The following COL18A1 variants were observed in gnomAD, a reference collection of about 807,000 sequenced individuals.
COL18A1 encodes the protein collagen alpha-1(XVIII) chain.
Under a neutral mutation model 168.0 loss-of-function variants are expected in COL18A1, and 133 were observed. The ratio of observed to expected loss-of-function variants is 0.79; its 90% CI spans 0.69 to 0.91. The LOEUF (loss-of-function observed/expected upper bound fraction) is 0.91, where lower values mean the gene tolerates loss of function less well. COL18A1 is among the 40% of genes least tolerant of loss of function. COL18A1 has a pLI of 0.00. For missense variants in COL18A1, 2,126 were observed against 1,925.4 expected, an observed-to-expected ratio of 1.10 and a Z score of -1.95; for synonymous variants, 949 against 809.0, an observed-to-expected ratio of 1.17 and a Z score of -2.94.
chr21:45,512,440 G>T lies in COL18A1; in HGVS notation c.*42G>T. On this transcript the variant is annotated 3_prime_UTR_variant, in exon 42 of 42. Transcript: ENST00000651438. ...GATGGCCGGAGAGGACCGGCGGCTCGGAGGAAGCCCCCACCGTGGGCAGGG... is the reference window on the plus strand; with the variant it reads ...GATGGCCGGAGAGGACCGGCGGCTCTGAGGAAGCCCCCACCGTGGGCAGGG... 2 of 1,584,580 alleles carry T rather than the reference G, an allele frequency of 1.3e-6. No individual in the cohort carries two copies. The highest frequency in any genetic ancestry group is 1.7e-6 in the Non-Finnish European group (2 of 1,165,452).
At chr21:45,487,572 G>C (rs1378878755) in intron 17 of COL18A1, 63 bp downstream of exon 17, 1 of 1,591,652 alleles carries the variant, frequency 6.3e-7, no homozygotes, top group Non-Finnish European at 8.6e-7. Context: ...TGGGGCAGGA[G>C]AGTGTCCCTG....
At chr21:45,491,394 A>T in intron 22 of COL18A1, 80 bp downstream of exon 22, 2 of 564,516 alleles carry the variant, frequency 3.5e-6, no homozygotes, top group Non-Finnish European at 6.3e-6. Flanking sequence ...AGCCCCCCCC[A>T]CACCCCCACA....
At position 45,460,253 on chromosome 21, in the gene COL18A1, A is replaced by G. The variant is rs2034997327; in HGVS notation, c.107-7989A>G. ...GGCATCCACCCTCGTGGTGCAGGCC[A>G]TCTGATGAGGGCAGGGACCAGTGCC... On this transcript the variant is annotated intron_variant, in intron 2 of 41. Coordinates refer to ENST00000651438, the MANE Select transcript of COL18A1 (RefSeq NM_001379500.1). 2.0e-5 allele frequency among the ~76,000 whole-genome samples: 3 copies of G among 152,244 alleles called. No individual in the cohort carries two copies. The South Asian group carries it at 6.2e-4, about 32-fold the overall frequency.
intron 21 of COL18A1, 35 bp downstream of exon 21, chr21:45,490,906 G>A (rs2036316329): frequency 1.9e-6 from 3 of 1,542,438 alleles, no homozygotes; most frequent in African/African-American, 1.4e-5. Flanking sequence ...TGGGGATGGG[G>A]GGCGCTGGGA....
chr21:45,481,481 G>A (rs2035892551), intron 13 of COL18A1, among the ~76,000 whole-genome samples: 1 of 152,176 alleles, frequency 6.6e-6, no homozygotes, highest in Non-Finnish European at 1.5e-5. Flanking sequence ...GGAGTGTGGG[G>A]TTAGGTCACC....
At chr21:45,437,455 G>GACAC (rs1569287878) in intron 2 of COL18A1, among the ~76,000 whole-genome samples, 48 of 2,974 alleles carry the variant, frequency 0.016, 6 homozygotes, top group African/African-American at 0.083. Flanking sequence ...CTCACTCACA[G>GACAC]ACAGACACAC....
chr21:45,459,067 C>A (rs1008008109), intron 2 of COL18A1, among the ~76,000 whole-genome samples: 9 of 152,208 alleles, frequency 5.9e-5, no homozygotes, highest in Admixed American at 5.9e-4. Context: ...CGTGCAGGGT[C>A]CTGGGGGACT....
intron 4 of COL18A1, among the ~76,000 whole-genome samples, chr21:45,475,105 G>A (rs2035600059): frequency 6.6e-6 from 1 of 152,218 alleles, no homozygotes; most frequent in African/African-American, 2.4e-5. Context: ...GGCCCAGCCG[G>A]GCGTGCGCTG....
chr21:45,510,947 CCACAACACCCCA>C (rs2037546007), intron 40 of COL18A1, among the ~76,000 whole-genome samples, 152 bp from the exon 41 acceptor site: 2 of 18,852 alleles, frequency 1.1e-4, no homozygotes, highest in Admixed American at 3.8e-4. Context: ...AAACACACAC[CCACAACACCCCA>C]CATACACCCC....
chr21:45,444,770 C>T lies in COL18A1; in HGVS notation c.107-23472C>T, dbSNP rs186049780. On this transcript the variant is annotated intron_variant, in intron 2 of 41. Transcript: ENST00000651438. ...CCAACATTAGCAGCAAAGATGACTC[C>T]GTGTCCATACCCTAGTTTTTAAAAG... 2.6e-5 allele frequency among the ~76,000 whole-genome samples: 4 copies of T among 152,238 alleles called. No homozygotes were observed. In the East Asian group the frequency reaches 5.8e-4, roughly 22 times the overall value.
rs201512613 is a variant in COL18A1 at position 45,513,546 on chromosome 21, C to T, written c.*1148C>T. 6.6e-6 allele frequency: 1 copy of T among 151,932 alleles called. No individual in the cohort carries two copies. The highest frequency in any genetic ancestry group is 1.5e-5 in the Non-Finnish European group (1 of 67,986). The allele number at this position is 151,932 out of a possible 1,614,324, so 9.4% of individuals were successfully genotyped here. On this transcript the variant is annotated 3_prime_UTR_variant, in exon 42 of 42. Transcript: ENST00000651438. ...CCCCTGAGATCCGGCAACATCAACC[C>T]GAGTCATTCGTTCTGTGGAGGGACA... is the stretch of plus-strand genomic sequence containing the variant.
rs111571883 is a variant in COL18A1, at chr21:45,452,686, CATGT to C, written c.107-15551_107-15548del. The stretch of plus-strand genomic sequence containing the variant: ...TGTATTCATGTGTGACATGTGTGAG[CATGT>C]ATGTGAGTTTGTGTATGCATGAATA... On this transcript the variant is annotated intron_variant, in intron 2 of 41. Coordinates refer to ENST00000651438, the MANE Select transcript of COL18A1 (RefSeq NM_001379500.1). Among the ~76,000 whole-genome samples, 168 of 143,830 alleles carry C rather than the reference CATGT, an allele frequency of 1.2e-3. 1 individual carries two copies. The highest frequency in any genetic ancestry group is 3.6e-3 in the African/African-American group (134 of 37,150). 94.4% of individuals were successfully genotyped at this position (143,830 alleles called of 152,430 possible).
rs199718927 is a variant in COL18A1 at position 45,505,857 on chromosome 21, G to A, written c.3107G>A (p.Arg1036His). ...CAGCAGGTGAGGCTCTGGGCTACAC[G>A]CCAGGCCATGCTGGGCCAGGTGCAC... The part of the protein sequence containing the change: ...ASSGVRLWAT[R>H]QAMLGQVHEV... Residue 1036 changes from arginine to histidine, a missense_variant, in exon 37 of 42, where the codon CGC becomes CAC. Arg to His is a conservative substitution (Grantham distance 29). Coordinates refer to ENST00000651438, the MANE Select transcript of COL18A1 (RefSeq NM_001379500.1). 5.7e-5 allele frequency: 90 copies of A among 1,592,740 alleles called. No individual in the cohort carries two copies. The highest frequency in any genetic ancestry group is 3.0e-4 in the East Asian group (13 of 43,298).
Position 45,428,153 on chromosome 21 carries a change from C to T in COL18A1, c.106+22680C>T, listed in dbSNP as rs958623003. Among the ~76,000 whole-genome samples, 23 of 152,174 alleles carry T rather than the reference C, an allele frequency of 1.5e-4. No individual in the cohort carries two copies. The East Asian group carries it at 2.9e-3, about 19-fold the overall frequency. ...CTTGAGTGCTGTGCAGGTTGGGGTC[C>T]GGCGCTCCTGCAGGCAGGCGGCGTC... is the stretch of plus-strand genomic sequence containing the variant. On this transcript the variant is annotated intron_variant, in intron 2 of 41. Coordinates refer to ENST00000651438, the MANE Select transcript of COL18A1 (RefSeq NM_001379500.1).
In COL18A1 at chr21:45,507,607, T is replaced by A; in HGVS notation, c.3249+14T>A. 6.2e-7 allele frequency: 1 copy of A among 1,612,696 alleles called. No individual in the cohort carries two copies. Among genetic ancestry groups the A allele is most frequent in the Non-Finnish European group, 8.5e-7 (1 of 1,179,532 alleles). On this transcript the variant is annotated intron_variant, in intron 38 of 41. Transcript: ENST00000651438. ...CCACGAGGGACGGTAAGGAGCCTTT[T>A]TTCTGTTGAGACTGGTGGGTGGTCA...
At chr21:45,434,774 G>C (rs13048192) in intron 2 of COL18A1, among the ~76,000 whole-genome samples, 32 of 150,070 alleles carry the variant, frequency 2.1e-4, no homozygotes, top group South Asian at 1.0e-3. Flanking sequence ...TCTTGGCGGG[G>C]GTCCCGGTGG....
At chr21:45,475,421 T>C (rs1204174996) in intron 4 of COL18A1, 55 bp from the exon 5 acceptor site, 2 of 1,500,758 alleles carry the variant, frequency 1.3e-6, no homozygotes. Flanking sequence ...CCTGCCGGGC[T>C]CGGGGCCTGG....
rs2035657930 is a variant in COL18A1, at chr21:45,476,460, C to T, written c.908C>T (p.Thr303Ile). ...DSRSEEVEEQ[T>I]TVASLGAQTL... ...AGAAGTGAAGAAGTCGAGGAGCAGA[C>T]CACGGTGGCTTCGTTAGGAGGTAAG... Residue 303 changes from threonine to isoleucine, a missense_variant, in exon 6 of 42, where the codon ACC (threonine) becomes ATC (isoleucine). Physicochemically the swap from Thr to Ile is moderately conservative, Grantham distance 89. Coordinates refer to ENST00000651438, the MANE Select transcript of COL18A1 (RefSeq NM_001379500.1). 1 of 1,612,406 alleles carries T rather than the reference C, an allele frequency of 6.2e-7. No individual in the cohort carries two copies. Among genetic ancestry groups the T allele is most frequent in the African/African-American group, 1.3e-5 (1 of 74,986 alleles).
rs60772916 is a variant in COL18A1, at chr21:45,467,547, A to C, written c.107-695A>C. On this transcript the variant is annotated intron_variant, in intron 2 of 41. Transcript: ENST00000651438. Reference sequence around the variant, plus strand: ...ACCTGGCCCAGCAGGTGAGCCGGTGACCGACAGCGCTGGGTGAAATCCCGC... The same window carrying C: ...ACCTGGCCCAGCAGGTGAGCCGGTGCCCGACAGCGCTGGGTGAAATCCCGC... The C allele has an allele frequency of 8.6e-3, 5,521 of 645,476 alleles. 275 individuals carry two copies. The African/African-American group carries it at 0.1, about 12-fold the overall frequency. The allele number at this position is 645,476 out of a possible 1,614,324, so 40.0% of individuals were successfully genotyped here.
Sources: gnomAD v4.1 joint callset for allele counts (sites outside exome capture counted in the v4.1 genomes callset) on GRCh38, gnomAD v4.1.1 for gene constraint, MANE v1.5 for transcripts, NCBI Gene and HGNC (gene_info 2026-07-23, HGNC 2026-07-21) for gene names.